CHRNE: variants seen among roughly 807,000 people sequenced by gnomAD.
CHRNE encodes cholinergic receptor nicotinic epsilon subunit.
CHRNE carries 58 observed loss-of-function variants against 56.5 expected under a neutral mutation model. That is an observed-to-expected ratio of 1.03 (90% CI 0.83 to 1.28). The LOEUF (loss-of-function observed/expected upper bound fraction) is 1.28. Ranked by LOEUF, CHRNE falls within the 50% of genes most tolerant of loss-of-function variation. CHRNE has a pLI of 0.00. For synonymous variants in CHRNE, 385 were observed against 297.9 expected (o/e 1.29, Z -3.01); for missense variants, 793 against 688.9 (o/e 1.15, Z -1.69).
At chr17:4,906,071 T>A (rs139939266), upstream of CHRNE, among the ~76,000 whole-genome samples, 6 of 152,344 alleles carry the variant, frequency 3.9e-5, no homozygotes, top group East Asian at 1.2e-3. Context: ...TAGTTTCTGC[T>A]TTCTCGTCAC....
chr17:4,901,263 A>C (rs1969976274), intron 6 of CHRNE, 73 bp from the exon 7 acceptor site: 1 of 1,529,482 alleles, frequency 6.5e-7, no homozygotes, highest in Non-Finnish European at 8.9e-7. Context: ...GCTGAAGAGG[A>C]GGCTGCGGCT....
At chr17:4,901,902 T>G (rs549140256) in intron 5 of CHRNE, 30 bp downstream of exon 5, 32 of 761,164 alleles carry the variant, frequency 4.2e-5, no homozygotes, top group Non-Finnish European at 6.5e-5. Flanking sequence ...CCAACAATAA[T>G]CGTCCGGGCC....
At chr17:4,900,046 G>C in intron 8 of CHRNE, 9 of 1,544,060 alleles carry the variant, frequency 5.8e-6, no homozygotes, top group Non-Finnish European at 7.8e-6. Flanking sequence ...CACCCGAACC[G>C]AAGATGCAGG....
upstream of CHRNE, among the ~76,000 whole-genome samples, chr17:4,904,816 T>C (rs745609891): frequency 1.3e-5 from 2 of 152,168 alleles, no homozygotes; most frequent in Non-Finnish European, 2.9e-5. Context: ...CGAGGACACA[T>C]CAAATAACAG....
At position 4,899,311 on chromosome 17, in the gene CHRNE, G is replaced by C. The variant is rs1487474998; in HGVS notation, c.1106C>G (p.Pro369Arg). Residue 369 changes from proline to arginine, a missense_variant, in exon 10 of 12, where the codon CCA (proline) becomes CGA (arginine). By Grantham distance (103) the Pro-to-Arg change is moderately radical. Transcript: ENST00000649488. ...PPEAPRAASP[P>R]RRASSVGLLL... ...TAAGCCCACCGACGACGCCCGCCTT[G>C]GGGGCGAGGCGGCCCGGGGGGCCTC... The C allele has an allele frequency of 2.5e-6, 4 of 1,582,380 alleles. No homozygotes were observed. The South Asian group carries it at 4.5e-5, about 18-fold the overall frequency.
chr17:4,903,095 C>A lies in CHRNE; in HGVS notation c.-32G>T. The stretch of plus-strand genomic sequence containing the variant: ...GCGTGGTTCTCAGGGTTATTCTGAG[C>A]TCTGGCAGGCTTGGAGGGGGCATGC... On this transcript the variant is annotated 5_prime_UTR_variant, in exon 1 of 12. Transcript: ENST00000649488. 1.9e-6 allele frequency: 3 copies of A among 1,613,406 alleles called. No individual in the cohort carries two copies. The South Asian group carries it at 3.3e-5, about 18-fold the overall frequency.
At chr17:4,906,975 T>C (rs945746463), upstream of CHRNE, among the ~76,000 whole-genome samples, 7 of 152,052 alleles carry the variant, frequency 4.6e-5, no homozygotes, top group African/African-American at 1.7e-4. Flanking sequence ...TCTCACTTAT[T>C]TGTGGGAGTT....
Position 4,898,586 on chromosome 17 carries a change from C to T in CHRNE, c.*150G>A. 9.0e-7 allele frequency: 1 copy of T among 1,110,214 alleles called. No homozygotes were observed. The highest frequency in any genetic ancestry group is 1.3e-6 in the Non-Finnish European group (1 of 770,372). 68.8% of individuals were successfully genotyped at this position (1,110,214 alleles called of 1,614,324 possible). On this transcript the variant is annotated 3_prime_UTR_variant, in exon 12 of 12. Transcript: ENST00000649488. The stretch of plus-strand genomic sequence containing the variant: ...GGACTGCGGCCAGGCCTACACACGC[C>T]AGGGAACGGGCACACACCATTCTTG...
rs1037809973 is a variant in CHRNE at position 4,902,144 on chromosome 17, C to T, written c.345-57G>A. 1.2e-6 allele frequency: 2 copies of T among 1,613,930 alleles called. No individual in the cohort carries two copies. The highest frequency in any genetic ancestry group is 1.7e-5 in the Admixed American group (1 of 60,016). ...CAGGTCTGCACCCTCTCAGAGTACC[C>T]CCTTCCCCAACCAAGTCCAGCCCGC... On this transcript the variant is annotated intron_variant, in intron 4 of 11. Transcript: ENST00000649488. This position sits in a 1 kb window ranked among gnomAD's most constrained non-coding sequence, Gnocchi z 4.0.
chr17:4,906,190 G>A (rs143264582), upstream of CHRNE, among the ~76,000 whole-genome samples: 321 of 152,252 alleles, frequency 2.1e-3, 1 homozygote, highest in African/African-American at 7.4e-3. Context: ...TGAGGGCTTG[G>A]GGTGCCAACA....
At chr17:4,904,392 T>C (rs1395322133), upstream of CHRNE, among the ~76,000 whole-genome samples, 1 of 152,172 alleles carries the variant, frequency 6.6e-6, no homozygotes, top group Non-Finnish European at 1.5e-5. Context: ...TCTTGAACCA[T>C]TCTAATCACC....
rs1970027826 is a variant in CHRNE at position 4,902,579 on chromosome 17, A to G, written c.189+42T>C. ...GACAGAGCTCAGCGGTTGGGGCCAGAAGTGGGATTTTTGGCTTAAGATGAG... is the reference window on the plus strand; with the variant it reads ...GACAGAGCTCAGCGGTTGGGGCCAGGAGTGGGATTTTTGGCTTAAGATGAG... On this transcript the variant is annotated intron_variant, in intron 2 of 11. Coordinates refer to ENST00000649488, the MANE Select transcript of CHRNE (RefSeq NM_000080.4). The surrounding 1 kb of genome is among the most constrained non-coding windows in gnomAD (Gnocchi z 4.0). The G allele has an allele frequency of 6.2e-7, 1 of 1,614,134 alleles. No individual in the cohort carries two copies. Among genetic ancestry groups the G allele is most frequent in the Non-Finnish European group, 8.5e-7 (1 of 1,180,024 alleles).
chr17:4,905,412 A>G (rs2151100456), upstream of CHRNE, among the ~76,000 whole-genome samples: 1 of 152,086 alleles, frequency 6.6e-6, no homozygotes, highest in African/African-American at 2.4e-5. Flanking sequence ...AACAACAAAA[A>G]ATATTAGCCA....
Position 4,900,989 on chromosome 17 carries a change from C to T in CHRNE, c.802+1G>A. On this transcript the variant is annotated splice_donor_variant, in intron 7 of 11. Transcript: ENST00000649488. LOFTEE classifies it high-confidence loss of function. ...GGGGTAGGTTCGGGGCCACTGCTTA[C>T]CCTGCGCCGGCAGGAAGTAGGCGAG... 2 of 1,613,964 alleles carry T rather than the reference C, an allele frequency of 1.2e-6. No individual in the cohort carries two copies. The highest frequency in any genetic ancestry group is 1.7e-6 in the Non-Finnish European group (2 of 1,179,880).
rs758914960 is a variant in CHRNE, at chr17:4,900,078, C to T, written c.918-496G>A. 191 of 1,550,924 alleles carry T rather than the reference C, an allele frequency of 1.2e-4. 1 individual carries two copies. The highest frequency in any genetic ancestry group is 1.6e-4 in the Admixed American group (8 of 50,990). On this transcript the variant is annotated intron_variant, in intron 8 of 11. Coordinates refer to ENST00000649488, the MANE Select transcript of CHRNE (RefSeq NM_000080.4). ...CAGGGGATGCTGCCTGCCCCGAAGCCCACCCTGGGGCTGGTGTTGAGAGAA... is the reference window on the plus strand; with the variant it reads ...CAGGGGATGCTGCCTGCCCCGAAGCTCACCCTGGGGCTGGTGTTGAGAGAA...
chr17:4,902,463 A>G lies in CHRNE; in HGVS notation c.221T>C (p.Val74Ala). The G allele has an allele frequency of 6.2e-7, 1 of 1,614,144 alleles. No homozygotes were observed. Among genetic ancestry groups the G allele is most frequent in the Non-Finnish European group, 8.5e-7 (1 of 1,180,032 alleles). Residue 74 changes from valine (V) to alanine (A), a missense_variant, in exon 3 of 12, where the codon GTC (valine) becomes GCC (alanine). Physicochemically the swap from Val to Ala is moderately conservative, Grantham distance 64 (BLOSUM62 0). Coordinates refer to ENST00000649488, the MANE Select transcript of CHRNE (RefSeq NM_000080.4). The surrounding 1 kb of genome is among the most constrained non-coding windows in gnomAD (Gnocchi z 4.0). ...GATTTGACTCACGATTCCAATCCAG[A>G]CGCTAGTGGTGAGAGTCTCCTCTTT... ...NEKEETLTTS[V>A]WIGIDWQDYR... is the part of the protein sequence containing the mutation.
rs1444377243 is a variant in CHRNE, at chr17:4,898,411, A to C, written c.*325T>G. The C allele has an allele frequency of 2.8e-5, 12 of 430,066 alleles. No homozygotes were observed. The highest frequency in any genetic ancestry group is 1.4e-3 in the Middle Eastern group (2 of 1,440). The allele number at this position is 430,066 out of a possible 1,614,324, so 26.6% of individuals were successfully genotyped here. On this transcript the variant is annotated 3_prime_UTR_variant, in exon 12 of 12. Transcript: ENST00000649488. The stretch of plus-strand genomic sequence containing the variant: ...TTGGCTATGAAATGAATATAGATAG[A>C]TAGCTCACAAGCTGGCAGCCACCAG...
At chr17:4,907,738 C>T (rs148095290), upstream of CHRNE, among the ~76,000 whole-genome samples, 120 of 152,208 alleles carry the variant, frequency 7.9e-4, no homozygotes, top group African/African-American at 2.8e-3. Flanking sequence ...ACACACCCCA[C>T]AACATAGAAA....
chr17:4,902,601 T>C lies in CHRNE; in HGVS notation c.189+20A>G. ...CAGAAGTGGGATTTTTGGCTTAAGA[T>C]GAGGGTGGGGGTAGCTTACCAGTGA... On this transcript the variant is annotated intron_variant, in intron 2 of 11. Transcript: ENST00000649488. The surrounding 1 kb of genome is among the most constrained non-coding windows in gnomAD (Gnocchi z 4.0). 2 of 1,614,034 alleles carry C rather than the reference T, an allele frequency of 1.2e-6. No individual in the cohort carries two copies. Among genetic ancestry groups the C allele is most frequent in the Non-Finnish European group, 1.7e-6 (2 of 1,180,004 alleles).
Sources: gnomAD v4.1 joint callset for allele counts (sites outside exome capture counted in the v4.1 genomes callset) on GRCh38, gnomAD v4.1.1 for gene constraint, Gnocchi (gnomAD v3.1) non-coding constraint, MANE v1.5 for transcripts, NCBI Gene and HGNC (gene_info 2026-07-23, HGNC 2026-07-21) for gene names.